The following NRXN1 variants were observed in gnomAD, a reference collection of about 807,000 sequenced individuals.
NRXN1 encodes the protein neurexin-1.
A neutral mutation model predicts 150.9 loss-of-function variants in NRXN1; 39 were observed. The observed-to-expected ratio is 0.26, with a 90% confidence interval of 0.20 to 0.34. The LOEUF (loss-of-function observed/expected upper bound fraction) is 0.34. Among genes scored for constraint, NRXN1 ranks in the 10% least tolerant of loss-of-function variants. NRXN1 has a pLI of 1.00. For missense variants in NRXN1, 1,815 were observed against 1,949.9 expected, an observed-to-expected ratio of 0.93 and a Z score of 1.30; for synonymous variants, 924 against 757.0, an observed-to-expected ratio of 1.22 and a Z score of -3.62.
intron 2 of NRXN1, among the ~76,000 whole-genome samples, chr2:50,934,997 A>G (rs960079175): frequency 6.6e-6 from 1 of 152,188 alleles, no homozygotes. Context: ...CTAGTAATCT[A>G]ATATCGTCTT....
chr2:50,036,098 C>T (rs78472364), intron 21 of NRXN1, among the ~76,000 whole-genome samples: 4,015 of 152,142 alleles, frequency 0.026, 180 homozygotes, highest in African/African-American at 0.09. Flanking sequence ...GTGTCCCTAC[C>T]CAAAATCTCA....
chr2:50,056,799 G>T (rs182790992), intron 19 of NRXN1, among the ~76,000 whole-genome samples: 11 of 152,122 alleles, frequency 7.2e-5, no homozygotes, highest in African/African-American at 2.7e-4. Flanking sequence ...AATTTGAAAA[G>T]CAATCACAAA....
intron 21 of NRXN1, among the ~76,000 whole-genome samples, chr2:50,015,516 CAA>C (rs34466037): frequency 0.016 from 515 of 31,284 alleles, 2 homozygotes; most frequent in African/African-American, 0.047. Context: ...GGATTTCTGC[CAA>C]AAAAAAAAAA....
At chr2:50,555,152 T>C (rs1241319815) in intron 8 of NRXN1, among the ~76,000 whole-genome samples, 2 of 152,188 alleles carry the variant, frequency 1.3e-5, no homozygotes, top group East Asian at 1.9e-4. Flanking sequence ...TATTCCAGCA[T>C]GTGGACATTC....
chr2:51,012,341 G>A (rs1204970626), intron 2 of NRXN1, among the ~76,000 whole-genome samples: 1 of 152,012 alleles, frequency 6.6e-6, no homozygotes, highest in African/African-American at 2.4e-5. Context: ...TTAATTAAGA[G>A]TGTGAAGCAA....
chr2:50,604,783 A>G (rs1676832234), intron 8 of NRXN1, among the ~76,000 whole-genome samples: 2 of 152,052 alleles, frequency 1.3e-5, no homozygotes, highest in Admixed American at 6.6e-5. Context: ...TTTGAATGTA[A>G]TTACAATGAA....
At chr2:50,925,767 A>T (rs184263657) in intron 3 of NRXN1, among the ~76,000 whole-genome samples, 171 bp downstream of exon 3, 1 of 151,978 alleles carries the variant, frequency 6.6e-6, no homozygotes, top group Non-Finnish European at 1.5e-5. Context: ...TATACTTGGG[A>T]TGGCAGGGTT....
At chr2:50,102,211 A>G (rs1452930477) in intron 18 of NRXN1, among the ~76,000 whole-genome samples, 1 of 151,998 alleles carries the variant, frequency 6.6e-6, no homozygotes, top group Non-Finnish European at 1.5e-5. Flanking sequence ...AACTTTTTTC[A>G]TCTTCACAAA....
At chr2:50,439,336 A>T (rs2085719120) in intron 17 of NRXN1, among the ~76,000 whole-genome samples, 1 of 152,246 alleles carries the variant, frequency 6.6e-6, no homozygotes, top group Admixed American at 6.5e-5. Flanking sequence ...AGAGAAACAT[A>T]ATAAATAGTC....
chr2:50,305,482 C>G (rs1009432150), intron 17 of NRXN1, among the ~76,000 whole-genome samples: 1 of 152,066 alleles, frequency 6.6e-6, no homozygotes, highest in East Asian at 1.9e-4. Flanking sequence ...TAAACACATA[C>G]CAGAAACAAG....
intron 18 of NRXN1, among the ~76,000 whole-genome samples, chr2:50,149,323 T>G (rs150303606): frequency 6.6e-6 from 1 of 151,854 alleles, no homozygotes; most frequent in East Asian, 1.9e-4. Flanking sequence ...GTTAAAGTTT[T>G]ACCATCCAAG....
intron 18 of NRXN1, among the ~76,000 whole-genome samples, chr2:50,116,758 A>T (rs956571837): frequency 1.3e-5 from 2 of 152,116 alleles, no homozygotes; most frequent in African/African-American, 4.8e-5. Context: ...TCAAGTTAAC[A>T]TTTAAAAAAC....
At chr2:50,614,168 A>G (rs1678653898) in intron 8 of NRXN1, among the ~76,000 whole-genome samples, 1 of 152,154 alleles carries the variant, frequency 6.6e-6, no homozygotes, top group Admixed American at 6.6e-5. Flanking sequence ...AAGAGAGGCA[A>G]TAAGTCAGGG....
intron 8 of NRXN1, among the ~76,000 whole-genome samples, chr2:50,618,780 A>AAAT (rs945406001): frequency 6.0e-5 from 9 of 150,022 alleles, no homozygotes; most frequent in South Asian, 2.1e-4. Context: ...TAATAATAAT[A>AAAT]AATAATAATA....
chr2:49,921,657 A>G lies in NRXN1; in HGVS notation c.*287T>C, dbSNP rs1445568953. On this transcript the variant is annotated 3_prime_UTR_variant, in exon 23 of 23. Coordinates refer to ENST00000401669, the MANE Select transcript of NRXN1 (RefSeq NM_001330078.2). ...TGCTTTATGAATGCGTGCGGTCATC[A>G]CTGTCTTTTAGAAATGTTCCAGCAA... 4.9e-6 allele frequency: 2 copies of G among 406,942 alleles called. No homozygotes were observed. Among genetic ancestry groups the G allele is most frequent in the Non-Finnish European group, 8.9e-6 (2 of 224,462 alleles). 25.2% of individuals were successfully genotyped at this position (406,942 alleles called of 1,614,324 possible).
intron 5 of NRXN1, among the ~76,000 whole-genome samples, chr2:50,800,424 A>T (rs2105685383): frequency 6.6e-6 from 1 of 152,240 alleles, no homozygotes; most frequent in African/African-American, 2.4e-5. Context: ...TTTATCTATG[A>T]GCGATTATAG....
At chr2:50,121,992 AAATATATTTCAAGAG>A (rs1323767027) in intron 18 of NRXN1, among the ~76,000 whole-genome samples, 1 of 152,234 alleles carries the variant, frequency 6.6e-6, no homozygotes. Context: ...TCATGTACAA[AAATATATTTCAAGAG>A]AAAGTAGTAT....
At chr2:50,581,255 T>C (rs979044243) in intron 8 of NRXN1, among the ~76,000 whole-genome samples, 2 of 152,218 alleles carry the variant, frequency 1.3e-5, no homozygotes, top group Non-Finnish European at 2.9e-5. Context: ...AATGTTTGGC[T>C]AGTGAAAATA....
At chr2:50,926,044 A>G (rs1686823999) in intron 2 of NRXN1, 89 bp from the exon 3 acceptor site, 1 of 986,658 alleles carries the variant, frequency 1.0e-6, no homozygotes, top group African/African-American at 1.6e-5. Flanking sequence ...TGTCTTCCTC[A>G]TGCAAGGCAC....
Sources: gnomAD v4.1 joint callset for allele counts (sites outside exome capture counted in the v4.1 genomes callset) on GRCh38, gnomAD v4.1.1 for gene constraint, MANE v1.5 for transcripts, NCBI Gene and HGNC (gene_info 2026-07-23, HGNC 2026-07-21) for gene names.